The following PDE4B variants were observed in gnomAD, a reference collection of about 807,000 sequenced individuals.
PDE4B encodes phosphodiesterase 4B.
In PDE4B, 20 loss-of-function variants were observed where a neutral mutation model predicts 82.2. The ratio of observed to expected loss-of-function variants is 0.24; its 90% confidence interval spans 0.17 to 0.35. The LOEUF is 0.35. PDE4B is among the 10% of genes least tolerant of loss of function. The pLI, the probability that PDE4B is intolerant of heterozygous loss-of-function variation, is 1.00. For missense variants in PDE4B, 655 were observed against 907.2 expected (o/e 0.72, Z 3.57); for synonymous variants, 320 against 318.9 (o/e 1.00, Z -0.04).
At chr1:66,297,948 G>T (rs1462925818) in intron 7 of PDE4B, among the ~76,000 whole-genome samples, 1 of 152,064 alleles carries the variant, frequency 6.6e-6, no homozygotes, top group African/African-American at 2.4e-5. Context: ...GGTGAACAAG[G>T]TTGTCCTATT....
chr1:65,987,189 C>G (rs1307102359), intron 3 of PDE4B, among the ~76,000 whole-genome samples: 1 of 152,122 alleles, frequency 6.6e-6, no homozygotes, highest in Non-Finnish European at 1.5e-5. Context: ...GGGACCATCT[C>G]TAAGAAACAT....
intron 1 of PDE4B, among the ~76,000 whole-genome samples, chr1:65,825,393 G>A (rs189620194): frequency 6.6e-6 from 1 of 152,274 alleles, no homozygotes; most frequent in Admixed American, 6.5e-5. Context: ...ATGAACCCTG[G>A]AAATACTTTC....
At chr1:66,151,355 G>T (rs1423096128) in intron 3 of PDE4B, among the ~76,000 whole-genome samples, 1 of 152,098 alleles carries the variant, frequency 6.6e-6, no homozygotes, top group Non-Finnish European at 1.5e-5. Flanking sequence ...TGTGGAACTT[G>T]CTGAACCCCT....
intron 3 of PDE4B, among the ~76,000 whole-genome samples, chr1:66,063,215 C>G (rs1237206937): frequency 1.3e-5 from 2 of 151,976 alleles, no homozygotes; most frequent in Non-Finnish European, 2.9e-5. Flanking sequence ...GGGAGTTTGT[C>G]TCTAGTTTCT....
intron 1 of PDE4B, among the ~76,000 whole-genome samples, chr1:65,819,504 G>GTTTTT (rs35338207): frequency 1.5e-4 from 17 of 114,172 alleles, no homozygotes; most frequent in South Asian, 2.8e-4. Context: ...TTTTTGTTTT[G>GTTTTT]TTTTTTTTTT....
chr1:66,147,055 G>A (rs891481494), intron 3 of PDE4B, among the ~76,000 whole-genome samples: 2 of 152,162 alleles, frequency 1.3e-5, no homozygotes, highest in African/African-American at 2.4e-5. Flanking sequence ...CTTCAAATAG[G>A]TTGACAGCAT....
chr1:66,224,956 A>G (rs910621695), intron 3 of PDE4B, among the ~76,000 whole-genome samples: 27 of 152,178 alleles, frequency 1.8e-4, no homozygotes, highest in African/African-American at 6.5e-4. Context: ...CAAGAGAGCT[A>G]ATTTATCTGT....
chr1:66,086,137 G>GAA (rs11394476), intron 3 of PDE4B, among the ~76,000 whole-genome samples: 2 of 151,718 alleles, frequency 1.3e-5, no homozygotes, highest in Non-Finnish European at 2.9e-5. Context: ...ACTCCGATGG[G>GAA]AAAAAAGTGG....
At chr1:66,049,149 A>G (rs1488794906) in intron 3 of PDE4B, among the ~76,000 whole-genome samples, 2 of 152,032 alleles carry the variant, frequency 1.3e-5, no homozygotes, top group African/African-American at 4.8e-5. Flanking sequence ...TCTACTCTAA[A>G]TTCTATTGTG....
intron 1 of PDE4B, 133 bp downstream of exon 1, chr1:65,793,381 C>T (rs986580022): frequency 6.6e-6 from 1 of 152,572 alleles, no homozygotes; most frequent in Non-Finnish European, 1.5e-5. Context: ...GCCGCCGGGC[C>T]TGGATGGTCG....
intron 3 of PDE4B, among the ~76,000 whole-genome samples, chr1:66,092,790 G>A (rs1645049428): frequency 6.6e-6 from 1 of 151,938 alleles, no homozygotes; most frequent in East Asian, 1.9e-4. Flanking sequence ...GGGAACAGCA[G>A]AGACAAAAGG....
intron 3 of PDE4B, among the ~76,000 whole-genome samples, chr1:66,092,472 C>A (rs1410931158): frequency 6.6e-6 from 1 of 151,802 alleles, no homozygotes; most frequent in Admixed American, 6.6e-5. Context: ...TATTAGGTAC[C>A]AGGTTCTGTG....
chr1:66,003,406 T>C (rs1651975146), intron 3 of PDE4B, among the ~76,000 whole-genome samples: 1 of 152,018 alleles, frequency 6.6e-6, no homozygotes, highest in Non-Finnish European at 1.5e-5. Flanking sequence ...AGAGAACCAC[T>C]TTGAAGTCAT....
intron 3 of PDE4B, among the ~76,000 whole-genome samples, chr1:66,185,094 G>GT (rs1557616723): frequency 6.6e-6 from 1 of 151,836 alleles, no homozygotes. Context: ...GCGGTGTTTG[G>GT]TTTTTTTGTC....
chr1:66,127,165 C>T (rs1018429861), intron 3 of PDE4B, among the ~76,000 whole-genome samples: 1 of 151,438 alleles, frequency 6.6e-6, no homozygotes, highest in African/African-American at 2.4e-5. Context: ...TATGACAATT[C>T]CTTAGTTTTT....
At position 66,339,969 on chromosome 1, in the gene PDE4B, T is replaced by C. The variant is rs553629081; in HGVS notation, c.747+7349T>C. Among the ~76,000 whole-genome samples the C allele has an allele frequency of 9.9e-5, 15 of 152,284 alleles. No homozygotes were observed. In the South Asian group the frequency reaches 2.7e-3, roughly 27 times the overall value. ...GCATTTGCAGTATTCTTCCAAAACA[T>C]TTTTCTTCTGAGTAAAAGTGTGCTC... is the stretch of plus-strand genomic sequence containing the variant. On this transcript the variant is annotated intron_variant, in intron 8 of 16. Coordinates refer to ENST00000341517, the MANE Select transcript of PDE4B (RefSeq NM_002600.4).
chr1:66,185,454 C>G (rs900131765), intron 3 of PDE4B, among the ~76,000 whole-genome samples: 1 of 152,054 alleles, frequency 6.6e-6, no homozygotes, highest in Non-Finnish European at 1.5e-5. Flanking sequence ...TACAGTCCCA[C>G]CAACAGTGTA....
At chr1:65,965,617 A>T (rs938567507) in intron 3 of PDE4B, among the ~76,000 whole-genome samples, 1 of 152,090 alleles carries the variant, frequency 6.6e-6, no homozygotes, top group Non-Finnish European at 1.5e-5. Flanking sequence ...CCAAACTGGC[A>T]TGTAAATATT....
chr1:65,975,884 G>A (rs560464958), intron 3 of PDE4B, among the ~76,000 whole-genome samples: 15 of 152,212 alleles, frequency 9.9e-5, no homozygotes, highest in Non-Finnish European at 1.8e-4. Context: ...ACATCTGGAT[G>A]TCAAGGTAGA....
Sources: allele counts gnomAD v4.1 joint callset (sites outside exome capture counted in the v4.1 genomes callset), GRCh38; gene constraint gnomAD v4.1.1; transcripts MANE v1.5; gene names NCBI Gene and HGNC (gene_info 2026-07-23, HGNC 2026-07-21).